Variants in KAZN observed in about 807,000 individuals in gnomAD.
KAZN encodes kazrin, periplakin interacting protein.
KAZN carries 40 observed loss-of-function variants against 87.4 expected under a neutral mutation model. The ratio of observed to expected loss-of-function variants is 0.46; its 90% confidence interval spans 0.36 to 0.60. The LOEUF (loss-of-function observed/expected upper bound fraction) is 0.60, where lower values mean the gene tolerates loss of function less well. Ranked by LOEUF, KAZN falls within the 20% of genes least tolerant of loss-of-function variation. The pLI is 0.00. For synonymous variants in KAZN, 466 were observed against 458.3 expected (o/e 1.02, Z -0.22); for missense variants, 898 against 1,073.9 (o/e 0.84, Z 2.29).
At chr1:14,875,447 CTT>C (rs1652657225) in intron 1 of KAZN, among the ~76,000 whole-genome samples, 1 of 144,126 alleles carries the variant, frequency 6.9e-6, no homozygotes, top group Admixed American at 7.1e-5. Flanking sequence ...AAGCTGAACT[CTT>C]GTCTTCCCTG....
At chr1:14,752,714 C>T (rs928172810) in intron 1 of KAZN, among the ~76,000 whole-genome samples, 14 of 152,086 alleles carry the variant, frequency 9.2e-5, no homozygotes, top group Admixed American at 7.2e-4. Context: ...ATCACATTGG[C>T]AATTAAGTTT....
intron 2 of KAZN, among the ~76,000 whole-genome samples, chr1:14,233,316 T>C (rs1438328869): frequency 6.6e-6 from 1 of 152,096 alleles, no homozygotes; most frequent in Non-Finnish European, 1.5e-5. Flanking sequence ...ATTTTTATTT[T>C]TGTAGAGACA....
chr1:14,687,886 T>G (rs1163572788), intron 1 of KAZN, among the ~76,000 whole-genome samples: 1 of 152,198 alleles, frequency 6.6e-6, no homozygotes, highest in African/African-American at 2.4e-5. Context: ...ATTTTCAACA[T>G]GGAGACCAAA....
intron 1 of KAZN, among the ~76,000 whole-genome samples, chr1:14,849,322 A>G (rs1056336679): frequency 6.6e-6 from 1 of 152,176 alleles, no homozygotes; most frequent in East Asian, 1.9e-4. Context: ...TCTGACCACC[A>G]TCTGTTATTA....
chr1:13,962,447 G>T (rs532165658), intron 1 of KAZN, among the ~76,000 whole-genome samples: 2 of 152,268 alleles, frequency 1.3e-5, no homozygotes, highest in East Asian at 3.9e-4. Context: ...TGACTCAGGT[G>T]CCCTGACACC....
At chr1:14,500,227 C>A (rs1670165420) in intron 2 of KAZN, among the ~76,000 whole-genome samples, 1 of 152,084 alleles carries the variant, frequency 6.6e-6, no homozygotes, top group Non-Finnish European at 1.5e-5. Context: ...AGGGCCACAC[C>A]TCCCCTGGGA....
chr1:14,036,528 A>G (rs1357799908), intron 1 of KAZN, among the ~76,000 whole-genome samples: 1 of 152,054 alleles, frequency 6.6e-6, no homozygotes, highest in Non-Finnish European at 1.5e-5. Flanking sequence ...AAATAGGCAC[A>G]TTGGCTTGTC....
At chr1:14,172,757 C>T (rs186428651) in intron 1 of KAZN, among the ~76,000 whole-genome samples, 35 of 152,308 alleles carry the variant, frequency 2.3e-4, no homozygotes, top group Admixed American at 1.2e-3. Flanking sequence ...TCCGTGATGG[C>T]GGATGGCTGG....
chr1:14,981,566 G>A (rs1463063175), intron 2 of KAZN, among the ~76,000 whole-genome samples: 5 of 152,258 alleles, frequency 3.3e-5, no homozygotes, highest in African/African-American at 1.2e-4. Context: ...GGGGGTTATA[G>A]CCCTGTGGCA....
At chr1:14,632,007 T>C (rs1284651898) in intron 1 of KAZN, among the ~76,000 whole-genome samples, 2 of 152,206 alleles carry the variant, frequency 1.3e-5, no homozygotes, top group African/African-American at 4.8e-5. Context: ...CACACTTCCC[T>C]GTCAAACCAA....
At position 14,380,670 on chromosome 1, in the gene KAZN, A is replaced by G. The variant is rs563389771; in HGVS notation, c.249+200078A>G. Among the ~76,000 whole-genome samples, 99 of 152,324 alleles carry G rather than the reference A, an allele frequency of 6.5e-4. 1 individual carries two copies. Among genetic ancestry groups the G allele is most frequent in the Non-Finnish European group, 1.1e-3 (76 of 68,026 alleles). On this transcript the variant is annotated intron_variant, in intron 2 of 16. Transcript: ENST00000636203. ...ACAGACCATTTGAAAATACACAGTC[A>G]GAGGAAACAAAAAGAAAAAGAATAA...
At chr1:14,436,734 A>AAAAAAAAAAAAAAAAAAAACAAAAAC (rs563539375) in intron 2 of KAZN, among the ~76,000 whole-genome samples, 2 of 137,368 alleles carry the variant, frequency 1.5e-5, no homozygotes, top group Admixed American at 7.4e-5. Context: ...AAAAAAAAAA[A>AAAAAAAAAAAAAAAAAAAACAAAAAC]AAAACCTTAA....
At chr1:14,638,194 G>A (rs949841360) in intron 1 of KAZN, among the ~76,000 whole-genome samples, 3 of 152,118 alleles carry the variant, frequency 2.0e-5, no homozygotes, top group East Asian at 1.9e-4. Context: ...TTCCAAATAC[G>A]TCCACATTCT....
chr1:14,071,505 A>G (rs1425951204), intron 1 of KAZN, among the ~76,000 whole-genome samples: 1 of 152,188 alleles, frequency 6.6e-6, no homozygotes, highest in Non-Finnish European at 1.5e-5. Flanking sequence ...TGCAAACATG[A>G]CAAGATATTT....
At chr1:14,314,311 T>G (rs1655503980) in intron 2 of KAZN, among the ~76,000 whole-genome samples, 1 of 152,186 alleles carries the variant, frequency 6.6e-6, no homozygotes, top group African/African-American at 2.4e-5. Flanking sequence ...CTATGATAAC[T>G]GTCTACTTAA....
Position 14,853,977 on chromosome 1 carries a change from G to C in KAZN, c.227-106707G>C, listed in dbSNP as rs529078772. ...TTCTGGGTCAGGTTGGCCTGGATTTGAATCCCAGAGAAGCTGCAGAGTCTC... is the reference window on the plus strand; with the variant it reads ...TTCTGGGTCAGGTTGGCCTGGATTTCAATCCCAGAGAAGCTGCAGAGTCTC... On this transcript the variant is annotated intron_variant, in intron 1 of 14. Coordinates refer to ENST00000376030, the MANE Select transcript of KAZN (RefSeq NM_201628.3). Among the ~76,000 whole-genome samples, 10 of 152,314 alleles carry C rather than the reference G, an allele frequency of 6.6e-5. 1 individual carries two copies. Among genetic ancestry groups the C allele is most frequent in the African/African-American group, 2.4e-4 (10 of 41,566 alleles).
At chr1:14,713,558 G>A (rs889824623) in intron 1 of KAZN, among the ~76,000 whole-genome samples, 3 of 152,054 alleles carry the variant, frequency 2.0e-5, no homozygotes, top group African/African-American at 7.2e-5. Flanking sequence ...CTGGCATAGG[G>A]TGGGTAGAGG....
At chr1:14,473,798 A>G (rs1198505618) in intron 2 of KAZN, among the ~76,000 whole-genome samples, 2 of 152,124 alleles carry the variant, frequency 1.3e-5, no homozygotes, top group Non-Finnish European at 2.9e-5. Context: ...GAAACCTGGC[A>G]TGTGTCTACC....
At chr1:14,898,289 G>C (rs977355773) in intron 1 of KAZN, among the ~76,000 whole-genome samples, 3 of 152,170 alleles carry the variant, frequency 2.0e-5, no homozygotes, top group Non-Finnish European at 4.4e-5. Context: ...GGAGAGCAGG[G>C]GCAGTGTTCA....
Sources: gnomAD v4.1 joint callset for allele counts (sites outside exome capture counted in the v4.1 genomes callset) on GRCh38, gnomAD v4.1.1 for gene constraint, MANE v1.5 for transcripts, NCBI Gene and HGNC (gene_info 2026-07-23, HGNC 2026-07-21) for gene names.